Variants in STAT5B observed in about 807,000 individuals in gnomAD.
The protein encoded by STAT5B is transcription factor STAT5B.
Under a neutral mutation model 107.8 loss-of-function variants are expected in STAT5B, and 21 were observed. That is an observed-to-expected ratio of 0.19 (90% CI 0.14 to 0.28). STAT5B has a LOEUF of 0.28. Ranked by LOEUF, STAT5B falls within the 10% of genes least tolerant of loss-of-function variation. STAT5B has a pLI of 1.00. For synonymous variants in STAT5B, 325 were observed against 401.7 expected, an observed-to-expected ratio of 0.81 and a Z score of 2.28; for missense variants, 565 against 1,008.2, an observed-to-expected ratio of 0.56 and a Z score of 5.95.
intron 12 of STAT5B, chr17:42,214,282 G>T: frequency 1.0e-6 from 1 of 985,122 alleles, no homozygotes; most frequent in Non-Finnish European, 1.2e-6. Context: ...CACAGAGAGT[G>T]AGATCTGTGG....
chr17:42,267,144 C>G (rs529193333), intron 1 of STAT5B, among the ~76,000 whole-genome samples: 1 of 152,266 alleles, frequency 6.6e-6, no homozygotes, highest in East Asian at 1.9e-4. Flanking sequence ...GTAAACAAAC[C>G]CACTGCACTG....
rs1464086977 is a variant in STAT5B, at chr17:42,219,856, G to A, written c.551-14C>T. 6.2e-7 allele frequency: 1 copy of A among 1,614,058 alleles called. No homozygotes were observed. Among genetic ancestry groups the A allele is most frequent in the Non-Finnish European group, 8.5e-7 (1 of 1,180,026 alleles). On this transcript the variant is annotated splice_polypyrimidine_tract_variant and intron_variant, in intron 5 of 18. Transcript: ENST00000293328. Reference sequence around the variant, plus strand: ...GGCCAAACTGAGCTAGAGGAGGGGAGAGGAAACCATGACCATCACCTCCCA... The same window carrying A: ...GGCCAAACTGAGCTAGAGGAGGGGAAAGGAAACCATGACCATCACCTCCCA...
intron 1 of STAT5B, among the ~76,000 whole-genome samples, chr17:42,238,344 C>G (rs1214771670): frequency 6.9e-6 from 1 of 144,124 alleles, no homozygotes; most frequent in Non-Finnish European, 1.5e-5. Flanking sequence ...GAGACAAGGT[C>G]TTACTATGTT....
chr17:42,217,320 A>G (rs747735193), intron 10 of STAT5B, 38 bp from the exon 11 acceptor site: 23 of 1,614,120 alleles, frequency 1.4e-5, no homozygotes, highest in Non-Finnish European at 8.5e-7. Context: ...GTAAGATATA[A>G]GTTGTTCCCC....
intron 5 of STAT5B, 152 bp downstream of exon 5, chr17:42,223,230 G>T: frequency 1.7e-6 from 2 of 1,173,866 alleles, no homozygotes; most frequent in Non-Finnish European, 2.4e-6. Context: ...CATCCTCTCA[G>T]CACTGTCTTC....
chr17:42,199,318 A>T lies in STAT5B; in HGVS notation c.*2420T>A, dbSNP rs2080025931. The T allele has an allele frequency of 1.3e-5, 2 of 152,226 alleles. No individual in the cohort carries two copies. The highest frequency in any genetic ancestry group is 4.8e-5 in the African/African-American group (2 of 41,294). 9.4% of individuals were successfully genotyped at this position (152,226 alleles called of 1,614,324 possible). On this transcript the variant is annotated 3_prime_UTR_variant, in exon 19 of 19. Coordinates refer to ENST00000293328, the MANE Select transcript of STAT5B (RefSeq NM_012448.4). ...CACAATACTTTTTTTTGGTGGCTAA[A>T]TAACTAATCTGCCTTGACACTAAAA...
chr17:42,285,879 C>G, the STAT5B span, among the ~76,000 whole-genome samples: 2 of 151,996 alleles, frequency 1.3e-5, no homozygotes. Flanking sequence ...AATCAGAGAA[C>G]CAGATGGAGA....
At chr17:42,262,970 G>GTATGTATA (rs2080626842) in intron 1 of STAT5B, among the ~76,000 whole-genome samples, 4 of 20,946 alleles carry the variant, frequency 1.9e-4, no homozygotes, top group Non-Finnish European at 3.3e-4. Flanking sequence ...GTGTGTGTGT[G>GTATGTATA]TATATATATA....
chr17:42,210,135 A>T, intron 15 of STAT5B, 36 bp downstream of exon 15: 1 of 1,614,138 alleles, frequency 6.2e-7, no homozygotes, highest in Non-Finnish European at 8.5e-7. Flanking sequence ...TAACGAAAGC[A>T]GCTAACTTTG....
rs767232706 is a variant in STAT5B at position 42,207,516 on chromosome 17, CACACACACA to C, written c.2077+33_2077+41del. ...ACACACACACACACACACACACACA[CACACACACA>C]ACAAAATCAAATCAGAATGCGAACA... On this transcript the variant is annotated intron_variant, in intron 16 of 18. Coordinates refer to ENST00000293328, the MANE Select transcript of STAT5B (RefSeq NM_012448.4). 13 of 1,601,820 alleles carry C rather than the reference CACACACACA, an allele frequency of 8.1e-6. No homozygotes were observed. The African/African-American group carries it at 1.9e-4, about 23-fold the overall frequency.
intron 4 of STAT5B, among the ~76,000 whole-genome samples, chr17:42,224,423 T>C (rs2080256290): frequency 6.6e-6 from 1 of 151,770 alleles, no homozygotes. Flanking sequence ...CACTGCAGCC[T>C]CTACCTCCTG....
chr17:42,203,754 G>A (rs1598293172), intron 16 of STAT5B, among the ~76,000 whole-genome samples: 1 of 152,056 alleles, frequency 6.6e-6, no homozygotes, highest in East Asian at 1.9e-4. Context: ...AGCCTCCCGA[G>A]TAGCTGGGAT....
At chr17:42,286,233 C>CAAAAAAAAAAAAAAAAAAAA in the STAT5B span, among the ~76,000 whole-genome samples, 2 of 52,396 alleles carry the variant, frequency 3.8e-5, 1 homozygote. Context: ...AACTCCATCT[C>CAAAAAAAAAAAAAAAAAAAA]AAAAAAAAAA....
At chr17:42,287,260 A>G in the STAT5B span, among the ~76,000 whole-genome samples, 1 of 152,044 alleles carries the variant, frequency 6.6e-6, no homozygotes, top group Non-Finnish European at 1.5e-5. Flanking sequence ...AGGGGCAAGA[A>G]AGGAGAGTGG....
intron 1 of STAT5B, among the ~76,000 whole-genome samples, chr17:42,259,281 C>T (rs912536073): frequency 2.6e-5 from 4 of 152,116 alleles, no homozygotes; most frequent in African/African-American, 9.7e-5. Flanking sequence ...GGATTACAGG[C>T]GTGAGCCACT....
chr17:42,252,015 A>AG (rs1474175122), intron 1 of STAT5B, among the ~76,000 whole-genome samples: 4 of 150,768 alleles, frequency 2.7e-5, no homozygotes, highest in African/African-American at 9.9e-5. Flanking sequence ...AAAAAAAAAG[A>AG]AAAAAAGAAA....
At chr17:42,254,988 G>A (rs1223280673) in intron 1 of STAT5B, among the ~76,000 whole-genome samples, 1 of 152,122 alleles carries the variant, frequency 6.6e-6, no homozygotes, top group Non-Finnish European at 1.5e-5. Flanking sequence ...CTACTTGGGA[G>A]GCTGAGGCAG....
At chr17:42,263,871 G>GCACACACA (rs3222522) in intron 1 of STAT5B, among the ~76,000 whole-genome samples, 1,557 of 145,010 alleles carry the variant, frequency 0.011, 16 homozygotes, top group South Asian at 0.032. Flanking sequence ...TAGAAAGCGC[G>GCACACACA]CACACACACA....
At chr17:42,249,453 AGGT>A (rs1167748856) in intron 1 of STAT5B, among the ~76,000 whole-genome samples, 1 of 152,154 alleles carries the variant, frequency 6.6e-6, no homozygotes, top group Non-Finnish European at 1.5e-5. Context: ...ACAACAGATA[AGGT>A]CCCTAGTCAA....
Sources: allele counts gnomAD v4.1 joint callset (sites outside exome capture counted in the v4.1 genomes callset), GRCh38; gene constraint gnomAD v4.1.1; transcripts MANE v1.5; gene names NCBI Gene and HGNC (gene_info 2026-07-23, HGNC 2026-07-21).